The following KALRN variants were observed in gnomAD, a reference collection of about 807,000 sequenced individuals.
The protein encoded by KALRN is kalirin RhoGEF kinase.
KALRN carries 70 observed loss-of-function variants against 353.7 expected under a neutral mutation model. The ratio of observed to expected loss-of-function variants is 0.20; its 90% CI spans 0.16 to 0.24. The LOEUF (loss-of-function observed/expected upper bound fraction) is 0.24. Among genes scored for constraint, KALRN ranks in the 10% least tolerant of loss-of-function variants. The pLI is 1.00. For synonymous variants in KALRN, 1,391 were observed against 1,434.8 expected (o/e 0.97, Z 0.69); for missense variants, 2,791 against 3,756.7 (o/e 0.74, Z 6.72).
intron 1 of KALRN, among the ~76,000 whole-genome samples, chr3:124,151,799 G>T (rs1578664142): frequency 6.6e-6 from 1 of 152,218 alleles, no homozygotes; most frequent in East Asian, 1.9e-4. Context: ...CCTACTGAAA[G>T]CTTTATTGTT....
intron 25 of KALRN, among the ~76,000 whole-genome samples, chr3:124,465,618 T>C (rs2060254271): frequency 6.6e-6 from 1 of 152,208 alleles, no homozygotes; most frequent in Non-Finnish European, 1.5e-5. Context: ...GTTGTCCTAA[T>C]ACTTATTTAT....
chr3:124,152,580 T>G lies in KALRN; in HGVS notation c.74-75410T>G, dbSNP rs1318510789. ...TTCTTTTCTTTTCTTTTCTTTTCTTTCTTTCTTTCTTTCTTTTTTTTTTTT... is the reference window on the plus strand; with the variant it reads ...TTCTTTTCTTTTCTTTTCTTTTCTTGCTTTCTTTCTTTCTTTTTTTTTTTT... On this transcript the variant is annotated intron_variant, in intron 1 of 59. Coordinates refer to ENST00000682506, the MANE Select transcript of KALRN (RefSeq NM_001388419.1). The G allele has an allele frequency of 4.0e-5, 24 of 601,986 alleles. 1 individual carries two copies. The highest frequency in any genetic ancestry group is 6.3e-5 in the Non-Finnish European group (22 of 351,854). The allele number at this position is 601,986 out of a possible 1,614,324, so 37.3% of individuals were successfully genotyped here. A position where few individuals can be genotyped will look rare whatever the true frequency, so the allele number is the denominator to read the frequency against.
chr3:124,593,619 A>T (rs1346683273), intron 34 of KALRN, among the ~76,000 whole-genome samples: 3 of 152,026 alleles, frequency 2.0e-5, no homozygotes, highest in African/African-American at 4.8e-5. Flanking sequence ...CCCCAGCTCC[A>T]GCAAAACATT....
chr3:124,585,823 C>A (rs1337493318), intron 34 of KALRN, among the ~76,000 whole-genome samples: 1 of 152,192 alleles, frequency 6.6e-6, no homozygotes, highest in Non-Finnish European at 1.5e-5. Context: ...GGGCCTCTGG[C>A]CTCCACCCCC....
chr3:124,634,179 T>A (rs2081100267), intron 36 of KALRN, among the ~76,000 whole-genome samples: 1 of 152,158 alleles, frequency 6.6e-6, no homozygotes, highest in Non-Finnish European at 1.5e-5. Flanking sequence ...ATTCTCAAAG[T>A]GGGAATCTGC....
At chr3:124,530,719 A>G (rs946246381) in intron 33 of KALRN, among the ~76,000 whole-genome samples, 1 of 152,198 alleles carries the variant, frequency 6.6e-6, no homozygotes, top group African/African-American at 2.4e-5. Context: ...AACAACAATA[A>G]TAAAATCCAG....
At chr3:124,537,145 A>G (rs2068586475) in intron 33 of KALRN, among the ~76,000 whole-genome samples, 1 of 152,130 alleles carries the variant, frequency 6.6e-6, no homozygotes, top group African/African-American at 2.4e-5. Context: ...GGTTTCAGGC[A>G]ATTCTCATGC....
intron 12 of KALRN, among the ~76,000 whole-genome samples, chr3:124,398,437 C>T (rs768972398): frequency 9.9e-5 from 15 of 152,066 alleles, no homozygotes; most frequent in Non-Finnish European, 1.8e-4. Flanking sequence ...TTATTTCTTT[C>T]ACAATCCTGC....
chr3:124,114,339 C>G (rs987439578), intron 1 of KALRN, among the ~76,000 whole-genome samples: 1 of 152,116 alleles, frequency 6.6e-6, no homozygotes, highest in Non-Finnish European at 1.5e-5. Context: ...TAGCCAATGC[C>G]GTGGGCTCAC....
chr3:124,041,982 T>C (rs1036276447), intron 1 of KALRN, among the ~76,000 whole-genome samples: 6 of 152,160 alleles, frequency 3.9e-5, no homozygotes, highest in African/African-American at 1.2e-4. Context: ...AGCTGGACAC[T>C]AGCTAGGGAA....
intron 34 of KALRN, among the ~76,000 whole-genome samples, chr3:124,597,796 A>T (rs1344970713): frequency 7.0e-6 from 1 of 141,970 alleles, no homozygotes; most frequent in African/African-American, 2.5e-5. Context: ...ATTAAAAAAA[A>T]ACTTTTGGAG....
At position 124,417,518 on chromosome 3, in the gene KALRN, G is replaced by A. The variant is rs191889798; in HGVS notation, c.2542+3853G>A. Among the ~76,000 whole-genome samples, 63 of 152,352 alleles carry A rather than the reference G, an allele frequency of 4.1e-4. 1 individual carries two copies. The highest frequency in any genetic ancestry group is 6.8e-3 in the Middle Eastern group (2 of 294). Reference sequence around the variant, plus strand: ...CTCTCTTTATACAAGGTTTGTAAATGAGAAATCTCTGGAGTTTGTGGCCAT... The same window carrying A: ...CTCTCTTTATACAAGGTTTGTAAATAAGAAATCTCTGGAGTTTGTGGCCAT... On this transcript the variant is annotated intron_variant, in intron 14 of 59. Coordinates refer to ENST00000682506, the MANE Select transcript of KALRN (RefSeq NM_001388419.1).
At chr3:124,519,977 C>T (rs1254226642) in intron 33 of KALRN, 8 of 630,794 alleles carry the variant, frequency 1.3e-5, no homozygotes, top group African/African-American at 4.0e-5. Context: ...ATGCAATGAG[C>T]GTGTGTCCGG....
chr3:124,271,126 C>T (rs961182466), intron 5 of KALRN, among the ~76,000 whole-genome samples: 4 of 152,166 alleles, frequency 2.6e-5, no homozygotes, highest in South Asian at 2.1e-4. Context: ...CCACCGTGCC[C>T]GGCCCTGTTG....
chr3:124,591,980 G>A (rs898048077), intron 34 of KALRN, among the ~76,000 whole-genome samples: 1 of 152,102 alleles, frequency 6.6e-6, no homozygotes, highest in Non-Finnish European at 1.5e-5. Context: ...ATTTCTTTGT[G>A]TTACATAAAA....
chr3:124,044,873 C>CCTTT (rs2040316840), intron 1 of KALRN, among the ~76,000 whole-genome samples: 1 of 24,672 alleles, frequency 4.1e-5, no homozygotes, highest in Admixed American at 4.5e-4. Flanking sequence ...TTCCTTCCTT[C>CCTTT]CTTCCTTCCT....
At position 124,678,316 on chromosome 3, in the gene KALRN, G is replaced by T; in HGVS notation, c.7317+3G>T. ...TGGGCAACAAAGTCTCTGTTAAAGT[G>T]AGTAAGGTATTCCGGAGCTGCGTCC... is the stretch of plus-strand genomic sequence containing the variant. On this transcript the variant is annotated splice_donor_region_variant and intron_variant, in intron 50 of 59. Coordinates refer to ENST00000682506, the MANE Select transcript of KALRN (RefSeq NM_001388419.1). 1 of 1,613,464 alleles carries T rather than the reference G, an allele frequency of 6.2e-7. No individual in the cohort carries two copies. The highest frequency in any genetic ancestry group is 1.1e-5 in the South Asian group (1 of 91,026).
In KALRN at chr3:124,085,309, A is replaced by G. The variant is rs190946739; in HGVS notation, c.73+51496A>G. ...TCTGGACAGTCACTGCCCCTTGGTT[A>G]GAGCTGGAACTTGAGATGAAACATA... On this transcript the variant is annotated intron_variant, in intron 1 of 59. Transcript: ENST00000682506. Among the ~76,000 whole-genome samples the G allele has an allele frequency of 5.3e-5, 8 of 152,360 alleles. No individual in the cohort carries two copies. The East Asian group carries it at 1.3e-3, about 26-fold the overall frequency.
At chr3:124,352,365 A>G (rs1424043952) in intron 10 of KALRN, among the ~76,000 whole-genome samples, 2 of 152,220 alleles carry the variant, frequency 1.3e-5, no homozygotes, top group African/African-American at 4.8e-5. Flanking sequence ...TGTGGTTTAC[A>G]TAACAGCTGT....
Sources: gnomAD v4.1 joint callset for allele counts (sites outside exome capture counted in the v4.1 genomes callset) on GRCh38, gnomAD v4.1.1 for gene constraint, MANE v1.5 for transcripts, NCBI Gene and HGNC (gene_info 2026-07-23, HGNC 2026-07-21) for gene names.